KHDRBS2: variants seen among roughly 807,000 people sequenced by gnomAD.
KHDRBS2 encodes the protein KH RNA binding domain containing, signal transduction associated 2, also known as KH domain-containing, RNA-binding, signal transduction-associated protein 2.
In KHDRBS2, 26 loss-of-function variants were observed where a neutral mutation model predicts 44.3. That is an observed-to-expected ratio of 0.59 (90% CI 0.43 to 0.81). The LOEUF is 0.81. Ranked by LOEUF, KHDRBS2 falls within the 40% of genes least tolerant of loss-of-function variation. The pLI is 0.00. For synonymous variants in KHDRBS2, 194 were observed against 151.1 expected, an observed-to-expected ratio of 1.28 and a Z score of -2.08; for missense variants, 476 against 433.1, an observed-to-expected ratio of 1.10 and a Z score of -0.88.
intron 6 of KHDRBS2, among the ~76,000 whole-genome samples, chr6:61,872,347 C>T (rs764571833): frequency 1.1e-4 from 17 of 151,812 alleles, no homozygotes; most frequent in East Asian, 1.9e-4. Context: ...AAAGAATCTT[C>T]GGATCATTAG....
chr6:62,237,191 G>T (rs1202882098), intron 1 of KHDRBS2, among the ~76,000 whole-genome samples: 1 of 152,116 alleles, frequency 6.6e-6, no homozygotes, highest in Non-Finnish European at 1.5e-5. Flanking sequence ...GTGTTAAGAA[G>T]ATAGAGGCTC....
chr6:61,814,093 G>T (rs1788533960), intron 6 of KHDRBS2: 4 of 455,346 alleles, frequency 8.8e-6, no homozygotes, highest in South Asian at 4.7e-5. Context: ...ATTTATACTA[G>T]CTGACTTTTA....
At chr6:61,684,369 T>C (rs972428637) in intron 8 of KHDRBS2, among the ~76,000 whole-genome samples, 4 of 151,784 alleles carry the variant, frequency 2.6e-5, no homozygotes, top group South Asian at 4.1e-4. Context: ...GGCCCAAACA[T>C]AGGGAGAGAC....
the KHDRBS2 span, among the ~76,000 whole-genome samples, chr6:61,596,283 G>T: frequency 6.6e-6 from 1 of 152,172 alleles, no homozygotes; most frequent in African/African-American, 2.4e-5. Flanking sequence ...ATGATCTTAA[G>T]ACTGCTAACA....
At chr6:61,840,581 C>A (rs1278969989) in intron 6 of KHDRBS2, among the ~76,000 whole-genome samples, 1 of 152,052 alleles carries the variant, frequency 6.6e-6, no homozygotes, top group Non-Finnish European at 1.5e-5. Context: ...CCTATCTAAG[C>A]TGACTTTCTA....
At chr6:61,587,106 C>T in the KHDRBS2 span, among the ~76,000 whole-genome samples, 1 of 152,266 alleles carries the variant, frequency 6.6e-6, no homozygotes, top group South Asian at 2.1e-4. Flanking sequence ...ACTCCCCCAC[C>T]AACACTCTGT....
intron 6 of KHDRBS2, among the ~76,000 whole-genome samples, chr6:61,859,885 T>G (rs1429527848): frequency 6.6e-6 from 1 of 151,934 alleles, no homozygotes; most frequent in East Asian, 1.9e-4. Context: ...AACAAGGAAT[T>G]CAAATATCAT....
the KHDRBS2 span, among the ~76,000 whole-genome samples, chr6:61,668,994 C>A: frequency 6.6e-6 from 1 of 150,924 alleles, no homozygotes; most frequent in East Asian, 2.0e-4. Flanking sequence ...TTTCATTTTT[C>A]ATGGAGATTT....
chr6:61,786,502 A>C (rs954966855), intron 6 of KHDRBS2, among the ~76,000 whole-genome samples: 2 of 152,056 alleles, frequency 1.3e-5, no homozygotes, highest in Non-Finnish European at 2.9e-5. Context: ...AAAAGCAAAG[A>C]TCAAACAATC....
At chr6:62,129,821 G>A (rs1473723909) in intron 2 of KHDRBS2, among the ~76,000 whole-genome samples, 1 of 152,152 alleles carries the variant, frequency 6.6e-6, no homozygotes, top group African/African-American at 2.4e-5. Flanking sequence ...CATGAGCACA[G>A]TTTTATTGGA....
intron 4 of KHDRBS2, among the ~76,000 whole-genome samples, chr6:61,971,726 T>G (rs1455895756): frequency 6.6e-6 from 1 of 152,100 alleles, no homozygotes; most frequent in East Asian, 1.9e-4. Context: ...TTGCCAGCAA[T>G]TGATTTTCGT....
At chr6:61,709,498 G>T (rs1770145203) in intron 7 of KHDRBS2, among the ~76,000 whole-genome samples, 1 of 151,534 alleles carries the variant, frequency 6.6e-6, no homozygotes, top group Admixed American at 6.6e-5. Context: ...ATATGCTTTT[G>T]CTTTTTGAAT....
chr6:61,817,511 C>T (rs758501661), intron 6 of KHDRBS2, among the ~76,000 whole-genome samples: 5 of 152,168 alleles, frequency 3.3e-5, no homozygotes, highest in Non-Finnish European at 5.9e-5. Flanking sequence ...ATCTAAATAT[C>T]TCTTTCTAAA....
chr6:61,859,594 G>A (rs1796628138), intron 6 of KHDRBS2, among the ~76,000 whole-genome samples: 1 of 151,902 alleles, frequency 6.6e-6, no homozygotes, highest in Non-Finnish European at 1.5e-5. Flanking sequence ...AGAAGCCTGG[G>A]AGATATAAGT....
the KHDRBS2 span, among the ~76,000 whole-genome samples, chr6:61,587,903 G>A: frequency 0.015 from 2,129 of 145,784 alleles, 51 homozygotes; most frequent in African/African-American, 0.052. Flanking sequence ...GAAAACTAAC[G>A]GTAGACATCT....
intron 2 of KHDRBS2, among the ~76,000 whole-genome samples, chr6:62,053,618 C>A (rs1306209328): frequency 6.6e-6 from 1 of 151,800 alleles, no homozygotes; most frequent in Non-Finnish European, 1.5e-5. Context: ...ACAAAGGAAA[C>A]ATCATCAGTC....
intron 6 of KHDRBS2, among the ~76,000 whole-genome samples, chr6:61,737,642 G>C (rs138238477): frequency 5.3e-5 from 8 of 152,018 alleles, no homozygotes; most frequent in African/African-American, 1.7e-4. Flanking sequence ...GATTTCTGAA[G>C]AAGTGAGAAA....
intron 6 of KHDRBS2, among the ~76,000 whole-genome samples, chr6:61,789,459 A>T (rs1411163998): frequency 6.6e-6 from 1 of 151,548 alleles, no homozygotes; most frequent in Non-Finnish European, 1.5e-5. Flanking sequence ...GCACACAAGC[A>T]TGGAAAGAAA....
chr6:61,692,137 T>C (rs1285346209), intron 8 of KHDRBS2, among the ~76,000 whole-genome samples: 1 of 152,134 alleles, frequency 6.6e-6, no homozygotes, highest in Non-Finnish European at 1.5e-5. Flanking sequence ...GCCAAGCTAA[T>C]GTAGGCACTG....
Sources: gnomAD v4.1 joint callset for allele counts (sites outside exome capture counted in the v4.1 genomes callset) on GRCh38, gnomAD v4.1.1 for gene constraint, MANE v1.5 for transcripts, NCBI Gene and HGNC (gene_info 2026-07-23, HGNC 2026-07-21) for gene names.